The following PIP4K2A variants were observed in gnomAD, a reference collection of about 807,000 sequenced individuals.
PIP4K2A encodes the protein phosphatidylinositol 5-phosphate 4-kinase type-2 alpha.
A neutral mutation model predicts 42.9 loss-of-function variants in PIP4K2A; 14 were observed. The ratio of observed to expected loss-of-function variants is 0.33; its 90% CI spans 0.22 to 0.51. The LOEUF is 0.51. Among genes scored for constraint, PIP4K2A ranks in the 20% least tolerant of loss-of-function variants. PIP4K2A has a pLI of 0.97. For missense variants in PIP4K2A, 434 were observed against 519.8 expected, an observed-to-expected ratio of 0.83 and a Z score of 1.61; for synonymous variants, 192 against 192.2, an observed-to-expected ratio of 1.00 and a Z score of 0.01.
At chr10:22,664,168 CATATATATATATACATATATATACAT>C (rs1839292649) in intron 1 of PIP4K2A, among the ~76,000 whole-genome samples, 2 of 30,228 alleles carry the variant, frequency 6.6e-5, no homozygotes, top group African/African-American at 4.1e-4. Flanking sequence ...TATATATATA[CATATATATATATACATATATATACAT>C]ATATATATAC....
chr10:22,590,569 G>A (rs1379050203), intron 4 of PIP4K2A, among the ~76,000 whole-genome samples: 1 of 152,158 alleles, frequency 6.6e-6, no homozygotes, highest in Non-Finnish European at 1.5e-5. Context: ...AGAAACTGTG[G>A]CTTCAAAATC....
At chr10:22,629,510 A>T (rs182219001) in intron 1 of PIP4K2A, among the ~76,000 whole-genome samples, 35 of 150,772 alleles carry the variant, frequency 2.3e-4, no homozygotes, top group African/African-American at 7.7e-4. Flanking sequence ...TATTATAATT[A>T]AAAAAATCAA....
At chr10:22,591,180 C>T (rs1837501029) in intron 4 of PIP4K2A, among the ~76,000 whole-genome samples, 1 of 152,218 alleles carries the variant, frequency 6.6e-6, no homozygotes, top group South Asian at 2.1e-4. Flanking sequence ...AGAGAGCTTG[C>T]TCCGTAGCAG....
intron 1 of PIP4K2A, among the ~76,000 whole-genome samples, chr10:22,648,360 A>G (rs1838927445): frequency 6.6e-6 from 1 of 152,252 alleles, no homozygotes; most frequent in African/African-American, 2.4e-5. Flanking sequence ...TTATTAGCTG[A>G]CATTAAATGG....
chr10:22,700,178 T>A (rs1833688410), intron 1 of PIP4K2A, among the ~76,000 whole-genome samples: 1 of 152,212 alleles, frequency 6.6e-6, no homozygotes, highest in Non-Finnish European at 1.5e-5. Flanking sequence ...TGTATTAGTG[T>A]ACTTTGCACC....
intron 1 of PIP4K2A, among the ~76,000 whole-genome samples, chr10:22,648,922 A>G (rs1778345): frequency 0.27 from 40,826 of 152,102 alleles, 5,788 homozygotes; most frequent in Non-Finnish European, 0.31. Context: ...CATTTGCTTG[A>G]GGGCAGAAAG....
chr10:22,541,500 C>T (rs149312510), intron 8 of PIP4K2A, among the ~76,000 whole-genome samples: 47 of 152,282 alleles, frequency 3.1e-4, no homozygotes, highest in South Asian at 1.4e-3. Context: ...TGTGTGTGCA[C>T]GTACGTTGTA....
chr10:22,680,961 G>A (rs1564465676), intron 1 of PIP4K2A, among the ~76,000 whole-genome samples: 2 of 152,104 alleles, frequency 1.3e-5, no homozygotes, highest in Non-Finnish European at 2.9e-5. Context: ...CTATTCAGGC[G>A]AGAAAATAGC....
chr10:22,538,498 T>G (rs147215251), intron 9 of PIP4K2A, among the ~76,000 whole-genome samples: 4 of 152,332 alleles, frequency 2.6e-5, no homozygotes, highest in Non-Finnish European at 2.9e-5. Flanking sequence ...GCAGTAGGAT[T>G]TCTGTATGAG....
chr10:22,544,730 C>T (rs1320784055), intron 7 of PIP4K2A, among the ~76,000 whole-genome samples: 2 of 152,198 alleles, frequency 1.3e-5, no homozygotes, highest in Non-Finnish European at 2.9e-5. Context: ...CATAGTGCCG[C>T]GTTTCTCACA....
At chr10:22,622,721 A>G (rs933679050) in intron 1 of PIP4K2A, among the ~76,000 whole-genome samples, 2 of 152,228 alleles carry the variant, frequency 1.3e-5, no homozygotes, top group African/African-American at 2.4e-5. Context: ...CTGACTGGAG[A>G]GCAACAAACC....
intron 5 of PIP4K2A, among the ~76,000 whole-genome samples, 161 bp downstream of exon 5, chr10:22,573,150 A>G (rs1388411264): frequency 2.0e-5 from 3 of 152,238 alleles, no homozygotes; most frequent in South Asian, 2.1e-4. Flanking sequence ...TGGTGAGGCC[A>G]GCAAGCACTT....
intron 4 of PIP4K2A, among the ~76,000 whole-genome samples, chr10:22,585,806 GGCTGGTC>G (rs1837381297): frequency 6.6e-6 from 1 of 152,042 alleles, no homozygotes; most frequent in Non-Finnish European, 1.5e-5. Context: ...GTGTTGGCTA[GGCTGGTC>G]TTGAACTCCT....
chr10:22,537,461 G>A (rs1835966811), intron 9 of PIP4K2A, among the ~76,000 whole-genome samples, 180 bp from the exon 10 acceptor site: 1 of 152,092 alleles, frequency 6.6e-6, no homozygotes, highest in South Asian at 2.1e-4. Flanking sequence ...GGTTGAATAA[G>A]CAAGGTTCTT....
At chr10:22,554,947 G>T (rs1490611330) in intron 6 of PIP4K2A, among the ~76,000 whole-genome samples, 10 of 152,192 alleles carry the variant, frequency 6.6e-5, no homozygotes, top group African/African-American at 2.4e-4. Context: ...AGGCAGGGCT[G>T]TTTTCTCTCT....
At position 22,714,411 on chromosome 10, in the gene PIP4K2A, C is replaced by T. The variant is rs1833971813; in HGVS notation, c.-85G>A. 1 of 1,005,218 alleles carries T rather than the reference C, an allele frequency of 9.9e-7. No homozygotes were observed. The highest frequency in any genetic ancestry group is 1.2e-6 in the Non-Finnish European group (1 of 813,026). 62.3% of individuals were successfully genotyped at this position (1,005,218 alleles called of 1,614,324 possible). A position where few individuals can be genotyped will look rare whatever the true frequency, so the allele number is the denominator to read the frequency against. ...ACACCCCGGCCCGGGGAGGCAGCCG[C>T]ATCCCCCCGGCGGCGGCCCCGGCGC... is the stretch of plus-strand genomic sequence containing the variant. On this transcript the variant is annotated 5_prime_UTR_variant, in exon 1 of 10. The change abolishes an upstream ATG in the 5' untranslated region. Coordinates refer to ENST00000376573, the MANE Select transcript of PIP4K2A (RefSeq NM_005028.5).
chr10:22,632,563 C>T (rs1838571457), intron 1 of PIP4K2A, among the ~76,000 whole-genome samples: 1 of 152,180 alleles, frequency 6.6e-6, no homozygotes, highest in African/African-American at 2.4e-5. Flanking sequence ...GAGTATTTCT[C>T]TCACACCCCA....
Position 22,535,977 on chromosome 10 carries a change from T to A in PIP4K2A, c.*1224A>T, listed in dbSNP as rs1185611238. The A allele has an allele frequency of 2.5e-5, 10 of 396,106 alleles. No homozygotes were observed. Among genetic ancestry groups the A allele is most frequent in the Admixed American group, 1.8e-4 (4 of 22,672 alleles). 24.5% of individuals were successfully genotyped at this position (396,106 alleles called of 1,614,324 possible). ...CTCACGTAAAAACATGGCTGCAGGA[T>A]ACGTCTCAAAATATGACAAACGTTA... is the stretch of plus-strand genomic sequence containing the variant. On this transcript the variant is annotated 3_prime_UTR_variant, in exon 10 of 10. Transcript: ENST00000376573.
chr10:22,600,739 A>G (rs1837743074), intron 3 of PIP4K2A, among the ~76,000 whole-genome samples: 1 of 152,152 alleles, frequency 6.6e-6, no homozygotes, highest in Admixed American at 6.5e-5. Context: ...TATCTGAGCG[A>G]GCACAGATGG....
Sources: gnomAD v4.1 joint callset for allele counts (sites outside exome capture counted in the v4.1 genomes callset) on GRCh38, gnomAD v4.1.1 for gene constraint, MANE v1.5 for transcripts, NCBI Gene and HGNC (gene_info 2026-07-23, HGNC 2026-07-21) for gene names.